The following FREM1 variants were observed in gnomAD, a reference collection of about 807,000 sequenced individuals.
FREM1 encodes the protein FRAS1-related extracellular matrix protein 1.
Under a neutral mutation model 210.1 loss-of-function variants are expected in FREM1, and 220 were observed. The ratio of observed to expected loss-of-function variants is 1.05; its 90% CI spans 0.94 to 1.17. The LOEUF is 1.17. Among genes scored for constraint, FREM1 ranks in the 50% most tolerant of loss-of-function variants. The pLI, the probability that FREM1 is intolerant of heterozygous loss-of-function variation, is 0.00. For missense variants in FREM1, 3,454 were observed against 2,675.5 expected, an observed-to-expected ratio of 1.29 and a Z score of -6.42; for synonymous variants, 1,189 against 980.2, an observed-to-expected ratio of 1.21 and a Z score of -3.98.
rs558149051 is a variant in FREM1 at position 14,863,577 on chromosome 9, C to A, written c.329+232G>T. Among the ~76,000 whole-genome samples, 32 of 152,042 alleles carry A rather than the reference C, an allele frequency of 2.1e-4. 1 individual carries two copies. The highest frequency in any genetic ancestry group is 7.7e-4 in the African/African-American group (32 of 41,402). On this transcript the variant is annotated intron_variant, in intron 3 of 36. Transcript: ENST00000380880. ...AAGGACACTAGAGGGAAACAGGATA[C>A]GGCTAAAAATTTGCCACAGAAGAAT... is the stretch of plus-strand genomic sequence containing the variant.
intron 6 of FREM1, among the ~76,000 whole-genome samples, chr9:14,849,776 C>G (rs1588354760): frequency 6.6e-6 from 1 of 152,192 alleles, no homozygotes; most frequent in East Asian, 1.9e-4. Flanking sequence ...GAGTTACTGT[C>G]TAACGAAAAA....
At chr9:14,861,128 C>CATATAT (rs201055114) in intron 3 of FREM1, among the ~76,000 whole-genome samples, 9 of 103,360 alleles carry the variant, frequency 8.7e-5, no homozygotes, top group African/African-American at 4.4e-4. Context: ...TACATATATA[C>CATATAT]ACATATATAC....
intron 2 of FREM1, among the ~76,000 whole-genome samples, chr9:14,865,644 A>G (rs1391747855): frequency 3.3e-5 from 5 of 149,310 alleles, no homozygotes; most frequent in African/African-American, 1.3e-4. Flanking sequence ...AAGCTCTATT[A>G]AAGAATAATG....
intron 8 of FREM1, among the ~76,000 whole-genome samples, chr9:14,844,953 T>C (rs2131272610): frequency 6.6e-6 from 1 of 152,364 alleles, no homozygotes; most frequent in South Asian, 2.1e-4. Context: ...CTGACTGGTA[T>C]ACCCAGATTT....
intron 33 of FREM1, 49 bp from the exon 34 acceptor site, chr9:14,747,100 G>C (rs762234673): frequency 6.2e-7 from 1 of 1,611,736 alleles, no homozygotes; most frequent in Admixed American, 1.7e-5. Context: ...CTTAAGGAAA[G>C]TTGCTCACAC....
intron 1 of FREM1, among the ~76,000 whole-genome samples, chr9:14,909,363 CA>C (rs35326510): frequency 0.63 from 95,316 of 151,898 alleles, 30,401 homozygotes; most frequent in African/African-American, 0.74. Context: ...AAAATCAGTC[CA>C]AAAACTTCAG....
chr9:14,812,120 A>T (rs1032175189), intron 16 of FREM1, among the ~76,000 whole-genome samples: 1 of 152,146 alleles, frequency 6.6e-6, no homozygotes, highest in African/African-American at 2.4e-5. Context: ...ATTTAAGTTC[A>T]AAGTCTTTCA....
intron 20 of FREM1, among the ~76,000 whole-genome samples, chr9:14,801,216 T>A: frequency 6.6e-6 from 1 of 152,194 alleles, no homozygotes; most frequent in East Asian, 1.9e-4. Context: ...CAGGCTGGTG[T>A]CAAATTCCTG....
At chr9:14,884,021 G>A (rs1323214208) in intron 1 of FREM1, among the ~76,000 whole-genome samples, 2 of 152,172 alleles carry the variant, frequency 1.3e-5, no homozygotes, top group Admixed American at 6.5e-5. Flanking sequence ...CTGAGGTCAG[G>A]AGTTCGAGCC....
At chr9:14,882,735 G>C (rs1588573176) in intron 1 of FREM1, among the ~76,000 whole-genome samples, 1 of 151,354 alleles carries the variant, frequency 6.6e-6, no homozygotes, top group Admixed American at 6.6e-5. Context: ...GGGATTACAG[G>C]TGTGAACCAC....
At chr9:14,908,477 T>C (rs1005675226) in intron 1 of FREM1, among the ~76,000 whole-genome samples, 3 of 151,778 alleles carry the variant, frequency 2.0e-5, no homozygotes, top group Admixed American at 6.6e-5. Context: ...GCAGGGAACA[T>C]GGTAGTCAGG....
In FREM1 at chr9:14,813,037, C is replaced by T. The variant is rs1819679837; in HGVS notation, c.2668G>A (p.Val890Ile). ...EVFPVNDEPP[V>I]LKADLMPVMN... ...ACAGGCATGAGGTCAGCCTTTAAGA[C>T]TGGTGGCTCATCGTTGACAGGGAAT... The change falls in exon 16 of 37, where the codon GTC (valine) becomes ATC (isoleucine). Residue 890 changes from valine to isoleucine, a missense_variant. Transcript: ENST00000380880. 6.2e-7 allele frequency: 1 copy of T among 1,611,306 alleles called. No individual in the cohort carries two copies. Among genetic ancestry groups the T allele is most frequent in the African/African-American group, 1.3e-5 (1 of 74,874 alleles).
rs1056443160 is a variant in FREM1 at position 14,859,462 on chromosome 9, T to G, written c.352A>C (p.Ile118Leu). The G allele has an allele frequency of 3.1e-6, 5 of 1,613,038 alleles. No individual in the cohort carries two copies. Among genetic ancestry groups the G allele is most frequent in the Non-Finnish European group, 4.2e-6 (5 of 1,179,386 alleles). Residue 118 changes from isoleucine to leucine, a missense_variant, in exon 4 of 37, where the codon ATA becomes CTA. Physicochemically the swap from Ile to Leu is conservative, Grantham distance 5 (BLOSUM62 2). Coordinates refer to ENST00000380880, the MANE Select transcript of FREM1 (RefSeq NM_001379081.2). ...TAGACCCACAGGATAAAAGTTTCTA[T>G]GAAGGTATCTCTTTCAGTAAATCTG... ...LYRFTERDTF[I>L]ETFILWVYLL...
chr9:14,910,432 T>C (rs142514190), upstream of FREM1: 1 of 152,680 alleles, frequency 6.5e-6, no homozygotes, highest in African/African-American at 2.4e-5. Context: ...TTGTACTAAC[T>C]GCTCCGCCAC....
At chr9:14,877,224 G>A (rs1022248889) in intron 1 of FREM1, among the ~76,000 whole-genome samples, 3 of 151,820 alleles carry the variant, frequency 2.0e-5, no homozygotes, top group Non-Finnish European at 2.9e-5. Context: ...TACACCTCTA[G>A]CCTGGACCCT....
chr9:14,833,300 T>C (rs979934311), intron 10 of FREM1, among the ~76,000 whole-genome samples: 1 of 152,210 alleles, frequency 6.6e-6, no homozygotes, highest in African/African-American at 2.4e-5. Context: ...GCTAGTTTCT[T>C]GGTCTTCCCC....
chr9:14,860,201 T>A (rs1305014917), intron 3 of FREM1, among the ~76,000 whole-genome samples: 2 of 152,076 alleles, frequency 1.3e-5, no homozygotes, highest in Non-Finnish European at 2.9e-5. Context: ...ACCTAGGATA[T>A]CCAGACATTG....
chr9:14,830,623 C>T (rs961351453), intron 10 of FREM1, among the ~76,000 whole-genome samples: 2 of 152,214 alleles, frequency 1.3e-5, no homozygotes, highest in Admixed American at 6.5e-5. Flanking sequence ...ACCTCCTCCT[C>T]TTTCGGCTTT....
At chr9:14,904,648 T>C (rs1322280211) in intron 1 of FREM1, among the ~76,000 whole-genome samples, 2 of 152,176 alleles carry the variant, frequency 1.3e-5, no homozygotes, top group Non-Finnish European at 2.9e-5. Context: ...GAAAGGACTT[T>C]CCCTCAGTGC....
Sources: gnomAD v4.1 joint callset for allele counts (sites outside exome capture counted in the v4.1 genomes callset) on GRCh38, gnomAD v4.1.1 for gene constraint, MANE v1.5 for transcripts, NCBI Gene and HGNC (gene_info 2026-07-23, HGNC 2026-07-21) for gene names.